The following NXPE2 variants were observed in gnomAD, a reference collection of about 807,000 sequenced individuals.
NXPE2 encodes neurexophilin and PC-esterase domain family member 2.
In NXPE2, 34 loss-of-function variants were observed where a neutral mutation model predicts 34.4. The observed-to-expected ratio is 0.99, with a 90% CI of 0.75 to 1.31. NXPE2 has a LOEUF of 1.31. NXPE2 is among the 40% of genes most tolerant of loss of function. The pLI, the probability that NXPE2 is intolerant of heterozygous loss-of-function variation, is 0.00. For missense variants in NXPE2, 649 were observed against 672.5 expected (o/e 0.97, Z 0.39); for synonymous variants, 235 against 231.3 (o/e 1.02, Z -0.15).
chr11:114,547,130 G>C, the NXPE2 span, among the ~76,000 whole-genome samples: 2 of 152,148 alleles, frequency 1.3e-5, no homozygotes, highest in African/African-American at 4.8e-5. Flanking sequence ...GTACAGTAAA[G>C]AGCAGGGTGG....
the NXPE2 span, among the ~76,000 whole-genome samples, chr11:114,726,563 A>G: frequency 6.6e-6 from 1 of 152,004 alleles, no homozygotes; most frequent in Non-Finnish European, 1.5e-5. Flanking sequence ...TTGTATGTCA[A>G]ATATACTTTC....
At chr11:114,472,992 C>A in the NXPE2 span, among the ~76,000 whole-genome samples, 15 of 152,116 alleles carry the variant, frequency 9.9e-5, no homozygotes, top group Non-Finnish European at 2.2e-4. Context: ...TTTTATCCTT[C>A]AGTGTTGAAC....
the NXPE2 span, among the ~76,000 whole-genome samples, chr11:114,736,950 C>T: frequency 1.3e-5 from 2 of 152,128 alleles, no homozygotes; most frequent in Non-Finnish European, 2.9e-5. Flanking sequence ...ACTTCTAAAG[C>T]CTGCTTATTC....
the NXPE2 span, among the ~76,000 whole-genome samples, chr11:114,607,072 C>A: frequency 1.3e-4 from 19 of 150,030 alleles, no homozygotes; most frequent in Non-Finnish European, 1.9e-4. Flanking sequence ...ACCACTGTTA[C>A]CCTGTGGATA....
At chr11:114,811,388 C>T in the NXPE2 span, among the ~76,000 whole-genome samples, 1 of 151,326 alleles carries the variant, frequency 6.6e-6, no homozygotes, top group African/African-American at 2.4e-5. Flanking sequence ...CTTTAAAGAC[C>T]ACACACACAA....
At chr11:114,800,696 C>G in the NXPE2 span, among the ~76,000 whole-genome samples, 1 of 152,174 alleles carries the variant, frequency 6.6e-6, no homozygotes. Flanking sequence ...AGTTCAAGTT[C>G]AAAGCCCACC....
chr11:114,630,339 A>T, the NXPE2 span, among the ~76,000 whole-genome samples: 2 of 151,836 alleles, frequency 1.3e-5, no homozygotes, highest in Non-Finnish European at 2.9e-5. Context: ...AGATCAATGG[A>T]ACAGAACATA....
the NXPE2 span, among the ~76,000 whole-genome samples, chr11:114,611,942 G>T: frequency 1.3e-5 from 2 of 151,922 alleles, no homozygotes; most frequent in Non-Finnish European, 2.9e-5. Flanking sequence ...GGTAACCACT[G>T]TTACCTGGTA....
chr11:114,791,061 G>A, the NXPE2 span, among the ~76,000 whole-genome samples: 1 of 151,766 alleles, frequency 6.6e-6, no homozygotes. Context: ...AACAAACCCT[G>A]CATATGCTAA....
chr11:114,554,538 C>T, the NXPE2 span: 168 of 256,352 alleles, frequency 6.6e-4, no homozygotes, highest in African/African-American at 3.8e-3. Context: ...TAGTTATCAA[C>T]ATTTTAAATA....
the NXPE2 span, among the ~76,000 whole-genome samples, chr11:114,796,801 G>C: frequency 6.6e-6 from 1 of 152,200 alleles, no homozygotes; most frequent in African/African-American, 2.4e-5. Context: ...GATGAGCAAA[G>C]TGCTGTGTGA....
At chr11:114,719,869 T>C in the NXPE2 span, among the ~76,000 whole-genome samples, 2 of 152,304 alleles carry the variant, frequency 1.3e-5, no homozygotes, top group Admixed American at 6.5e-5. Context: ...TCAGTCTTTC[T>C]TAGACCTACT....
chr11:114,758,444 A>G, the NXPE2 span, among the ~76,000 whole-genome samples: 1 of 152,236 alleles, frequency 6.6e-6, no homozygotes, highest in Non-Finnish European at 1.5e-5. Context: ...AAAAAGCAGG[A>G]TACATTCTTT....
At chr11:114,749,639 T>C in the NXPE2 span, among the ~76,000 whole-genome samples, 1 of 152,214 alleles carries the variant, frequency 6.6e-6, no homozygotes, top group African/African-American at 2.4e-5. Flanking sequence ...TGCCTTTCTC[T>C]GACAATGACA....
chr11:114,686,089 C>T (rs1351436103), intron 2 of NXPE2, among the ~76,000 whole-genome samples: 1 of 151,992 alleles, frequency 6.6e-6, no homozygotes, highest in East Asian at 1.9e-4. Flanking sequence ...CATGAGATTT[C>T]TCTATAATTT....
chr11:114,733,964 G>T, the NXPE2 span, among the ~76,000 whole-genome samples: 1 of 152,074 alleles, frequency 6.6e-6, no homozygotes, highest in Non-Finnish European at 1.5e-5. Context: ...GGTCTTTTAT[G>T]AATTTATTCC....
chr11:114,708,033 C>CCA (rs1951503069), downstream of NXPE2, among the ~76,000 whole-genome samples: 1 of 152,154 alleles, frequency 6.6e-6, no homozygotes, highest in African/African-American at 2.4e-5. Context: ...GTCTCCAGTG[C>CCA]TGAGCATGAT....
the NXPE2 span, among the ~76,000 whole-genome samples, chr11:114,500,159 G>T: frequency 3.9e-5 from 6 of 151,922 alleles, no homozygotes; most frequent in African/African-American, 1.5e-4. Flanking sequence ...GGGCCAAGGG[G>T]TATGGTTAAT....
At chr11:114,664,735 T>C in the NXPE2 span, among the ~76,000 whole-genome samples, 1 of 152,208 alleles carries the variant, frequency 6.6e-6, no homozygotes, top group Non-Finnish European at 1.5e-5. Context: ...GTACTTCCAA[T>C]TTTGAATTTT....
Sources: allele counts gnomAD v4.1 joint callset (sites outside exome capture counted in the v4.1 genomes callset), GRCh38; gene constraint gnomAD v4.1.1; transcripts MANE v1.5; gene names NCBI Gene and HGNC (gene_info 2026-07-23, HGNC 2026-07-21).